Variants in CSMD1 observed in about 807,000 individuals in gnomAD.
CSMD1 encodes the protein CUB and sushi domain-containing protein 1.
In CSMD1, 213 loss-of-function variants were observed where a neutral mutation model predicts 417.5. That is an observed-to-expected ratio of 0.51 (90% confidence interval 0.46 to 0.57). CSMD1 has a LOEUF of 0.57. Ranked by LOEUF, CSMD1 falls within the 20% of genes least tolerant of loss-of-function variation. The probability of loss-of-function intolerance (pLI) is 0.00; values close to 1 mark genes in which losing one functional copy is unlikely to be tolerated. For synonymous variants in CSMD1, 2,862 were observed against 1,736.8 expected (o/e 1.65, Z -16.11); for missense variants, 6,923 against 4,529.7 (o/e 1.53, Z -15.17).
chr8:4,402,449 A>C (rs1225885360), intron 3 of CSMD1, among the ~76,000 whole-genome samples: 4 of 152,118 alleles, frequency 2.6e-5, no homozygotes, highest in Non-Finnish European at 5.9e-5. Context: ...GGAAGATAGC[A>C]TGGAGCTAAG....
At chr8:3,540,269 C>T (rs548753068) in intron 10 of CSMD1, among the ~76,000 whole-genome samples, 5 of 152,198 alleles carry the variant, frequency 3.3e-5, no homozygotes, top group South Asian at 2.1e-4. Flanking sequence ...GCAAAACAAC[C>T]TCCTCATTTG....
chr8:4,160,358 T>G (rs1380914567), intron 3 of CSMD1, among the ~76,000 whole-genome samples: 1 of 152,172 alleles, frequency 6.6e-6, no homozygotes, highest in Non-Finnish European at 1.5e-5. Flanking sequence ...TGTAAAGTAA[T>G]GAAGCCAACT....
At chr8:3,862,453 C>T (rs957792645) in intron 5 of CSMD1, among the ~76,000 whole-genome samples, 2 of 152,144 alleles carry the variant, frequency 1.3e-5, no homozygotes, top group Non-Finnish European at 2.9e-5. Flanking sequence ...TGTTCCTTCT[C>T]GTAATTCAAA....
intron 40 of CSMD1, among the ~76,000 whole-genome samples, chr8:3,150,776 G>T (rs181999198): frequency 1.3e-5 from 2 of 152,260 alleles, no homozygotes; most frequent in African/African-American, 4.8e-5. Flanking sequence ...GGAAAGGCGT[G>T]AGAGGGGATC....
intron 3 of CSMD1, among the ~76,000 whole-genome samples, chr8:4,413,962 T>C (rs1390194507): frequency 1.3e-5 from 2 of 152,174 alleles, no homozygotes; most frequent in African/African-American, 4.8e-5. Flanking sequence ...TCTATAATTG[T>C]TATAAATCTA....
At chr8:4,768,405 T>C (rs1344594590) in intron 1 of CSMD1, among the ~76,000 whole-genome samples, 1 of 152,200 alleles carries the variant, frequency 6.6e-6, no homozygotes, top group Non-Finnish European at 1.5e-5. Flanking sequence ...TTCCATACAG[T>C]CTGCCGGGTG....
chr8:3,197,759 C>T (rs1012370706), intron 33 of CSMD1, among the ~76,000 whole-genome samples: 7 of 152,152 alleles, frequency 4.6e-5, no homozygotes, highest in Non-Finnish European at 8.8e-5. Flanking sequence ...CCACCGTGCC[C>T]GGCTTCAAAT....
chr8:4,973,856 C>A (rs949516893), intron 1 of CSMD1, among the ~76,000 whole-genome samples: 5 of 152,134 alleles, frequency 3.3e-5, no homozygotes, highest in African/African-American at 1.2e-4. Context: ...CCTTTCAAAT[C>A]AACGTGACAA....
chr8:3,410,953 C>T (rs984828965), intron 12 of CSMD1, among the ~76,000 whole-genome samples: 2 of 152,042 alleles, frequency 1.3e-5, no homozygotes, highest in Non-Finnish European at 1.5e-5. Flanking sequence ...GAAGAAAATG[C>T]CCTGAAGGAA....
chr8:3,786,229 G>A (rs62479707), intron 5 of CSMD1, among the ~76,000 whole-genome samples: 11,851 of 152,164 alleles, frequency 0.078, 661 homozygotes, highest in South Asian at 0.12. Flanking sequence ...TCAAGGTGTC[G>A]CTAAGACATT....
chr8:4,275,908 G>A (rs921992216), intron 3 of CSMD1, among the ~76,000 whole-genome samples: 10 of 152,244 alleles, frequency 6.6e-5, no homozygotes, highest in East Asian at 1.9e-4. Flanking sequence ...CACAAAAACA[G>A]GATTGTTTAA....
In CSMD1 at chr8:3,179,412, A is replaced by C. The variant is rs1473469376; in HGVS notation, c.5725+1698T>G. ...GCATTATGTTTAGCCCAATTAAAAA[A>C]TACATTAAATAATTAAACAAAAGCT... On this transcript the variant is annotated intron_variant, in intron 37 of 69. Transcript: ENST00000635120. 3.3e-5 allele frequency among the ~76,000 whole-genome samples: 5 copies of C among 152,354 alleles called. No individual in the cohort carries two copies. In the East Asian group the frequency reaches 9.6e-4, roughly 29 times the overall value.
chr8:4,761,075 A>C (rs369169065), intron 1 of CSMD1, among the ~76,000 whole-genome samples: 1 of 152,248 alleles, frequency 6.6e-6, no homozygotes, highest in Non-Finnish European at 1.5e-5. Flanking sequence ...TAGCAGAAGT[A>C]TGTGTTTGTT....
At chr8:3,061,998 C>T (rs1167299540) in intron 49 of CSMD1, among the ~76,000 whole-genome samples, 4 of 152,152 alleles carry the variant, frequency 2.6e-5, no homozygotes, top group Non-Finnish European at 5.9e-5. Context: ...TGGGCTACAC[C>T]TGACTTATTT....
At chr8:2,977,168 A>C (rs1325774878) in intron 55 of CSMD1, among the ~76,000 whole-genome samples, 11 of 152,000 alleles carry the variant, frequency 7.2e-5, no homozygotes, top group Admixed American at 1.3e-4. Flanking sequence ...TTACGCAGGG[A>C]AATGTGTGCC....
chr8:4,077,301 A>ATATATATATGTG (rs1563092807), intron 3 of CSMD1, among the ~76,000 whole-genome samples: 2 of 73,542 alleles, frequency 2.7e-5, no homozygotes, highest in Non-Finnish European at 3.7e-5. Context: ...ATATGTGTAT[A>ATATATATATGTG]TATATATATA....
intron 37 of CSMD1, among the ~76,000 whole-genome samples, chr8:3,178,997 G>C (rs1405031138): frequency 1.3e-5 from 2 of 150,060 alleles, no homozygotes; most frequent in East Asian, 2.0e-4. Context: ...ACCCAGGCTG[G>C]AGTGCAGTGG....
chr8:4,220,498 G>A (rs569201735), intron 3 of CSMD1, among the ~76,000 whole-genome samples: 1 of 152,074 alleles, frequency 6.6e-6, no homozygotes, highest in African/African-American at 2.4e-5. Context: ...CTTTGTGTAA[G>A]AAATATCTAA....
intron 1 of CSMD1, among the ~76,000 whole-genome samples, chr8:4,781,842 T>C (rs990799559): frequency 6.6e-6 from 1 of 152,228 alleles, no homozygotes; most frequent in Admixed American, 6.5e-5. Context: ...GACGGTTCCA[T>C]ATTTTAGTTT....
Sources: allele counts gnomAD v4.1 joint callset (sites outside exome capture counted in the v4.1 genomes callset), GRCh38; gene constraint gnomAD v4.1.1; transcripts MANE v1.5; gene names NCBI Gene and HGNC (gene_info 2026-07-23, HGNC 2026-07-21).